Variants in FOXN3 observed in about 807,000 individuals in gnomAD.
FOXN3 encodes the protein forkhead box N3.
Under a neutral mutation model 38.4 loss-of-function variants are expected in FOXN3, and 7 were observed. That is an observed-to-expected ratio of 0.18 (90% confidence interval 0.10 to 0.34). The LOEUF is 0.34. Among genes scored for constraint, FOXN3 ranks in the 10% least tolerant of loss-of-function variants. The pLI is 1.00. For missense variants in FOXN3, 456 were observed against 613.4 expected (o/e 0.74, Z 2.71); for synonymous variants, 230 against 242.2 (o/e 0.95, Z 0.47).
chr14:89,417,717 AC>A (rs368577304), upstream of FOXN3: 83 of 455,982 alleles, frequency 1.8e-4, no homozygotes, highest in East Asian at 4.9e-3. Context: ...AGGAGATTCC[AC>A]GTCTCCCCAG....
chr14:89,531,838 C>T (rs1010062486), intron 1 of FOXN3, among the ~76,000 whole-genome samples: 4 of 152,200 alleles, frequency 2.6e-5, no homozygotes, highest in African/African-American at 9.7e-5. Flanking sequence ...GAGACAGAGT[C>T]TCACCCTGGC....
At chr14:89,254,290 G>A (rs1047750187) in intron 4 of FOXN3, among the ~76,000 whole-genome samples, 1 of 152,202 alleles carries the variant, frequency 6.6e-6, no homozygotes, top group African/African-American at 2.4e-5. Context: ...ATGCTATCCT[G>A]CCTTCTGCAA....
At chr14:89,485,886 T>C (rs1893434254) in intron 1 of FOXN3, among the ~76,000 whole-genome samples, 1 of 152,116 alleles carries the variant, frequency 6.6e-6, no homozygotes, top group African/African-American at 2.4e-5. Flanking sequence ...CGCCTCTTCC[T>C]TCTGCCTGGC....
At chr14:89,509,925 T>C (rs1894021980) in intron 1 of FOXN3, among the ~76,000 whole-genome samples, 1 of 152,258 alleles carries the variant, frequency 6.6e-6, no homozygotes, top group East Asian at 1.9e-4. Flanking sequence ...TATCCTGTCA[T>C]GCAAGTATGG....
chr14:89,249,330 T>A (rs1429692067), intron 4 of FOXN3, among the ~76,000 whole-genome samples: 1 of 152,156 alleles, frequency 6.6e-6, no homozygotes, highest in Non-Finnish European at 1.5e-5. Flanking sequence ...CCCCTGACAG[T>A]CTTCGCTTAC....
intron 5 of FOXN3, among the ~76,000 whole-genome samples, chr14:89,175,972 C>T (rs1355821354): frequency 6.6e-6 from 1 of 152,146 alleles, no homozygotes; most frequent in Admixed American, 6.5e-5. Context: ...GGCTATCCAT[C>T]ATGGGTTCCA....
At chr14:89,415,871 C>CAA (rs1566647876) in intron 1 of FOXN3, among the ~76,000 whole-genome samples, 8 of 151,646 alleles carry the variant, frequency 5.3e-5, no homozygotes, top group African/African-American at 1.9e-4. Context: ...CACACACACA[C>CAA]ACACACACAC....
intron 2 of FOXN3, among the ~76,000 whole-genome samples, chr14:89,383,132 C>T (rs560400378): frequency 6.9e-6 from 1 of 144,726 alleles, no homozygotes; most frequent in East Asian, 2.2e-4. Context: ...AATAAGACCT[C>T]AGGGAGTCTG....
intron 3 of FOXN3, among the ~76,000 whole-genome samples, chr14:89,342,749 T>G (rs1314999513): frequency 6.6e-6 from 1 of 152,200 alleles, no homozygotes; most frequent in East Asian, 1.9e-4. Flanking sequence ...TTCATATTGA[T>G]TTTTTTAAAT....
chr14:89,403,278 C>T (rs1227610857), intron 2 of FOXN3, among the ~76,000 whole-genome samples: 2 of 152,076 alleles, frequency 1.3e-5, no homozygotes, highest in Admixed American at 6.6e-5. Flanking sequence ...CATGGCTCAC[C>T]GTAGCCTCCA....
At chr14:89,269,464 A>G (rs1435584494) in intron 4 of FOXN3, among the ~76,000 whole-genome samples, 2 of 148,626 alleles carry the variant, frequency 1.3e-5, no homozygotes, top group Non-Finnish European at 3.0e-5. Context: ...GCTTTTGGTC[A>G]CTTGCTTTTT....
At chr14:89,258,286 A>G (rs991494371) in intron 4 of FOXN3, among the ~76,000 whole-genome samples, 3 of 152,010 alleles carry the variant, frequency 2.0e-5, no homozygotes, top group Admixed American at 2.0e-4. Context: ...TATTATTTCA[A>G]CCCCCTGGAA....
intron 1 of FOXN3, among the ~76,000 whole-genome samples, chr14:89,601,433 T>C (rs1254087346): frequency 4.6e-5 from 7 of 152,168 alleles, no homozygotes; most frequent in African/African-American, 1.7e-4. Flanking sequence ...AAGGACTCAA[T>C]GAAAGGAAAA....
intron 1 of FOXN3, among the ~76,000 whole-genome samples, chr14:89,555,052 A>G (rs1895088348): frequency 6.6e-6 from 1 of 152,118 alleles, no homozygotes; most frequent in South Asian, 2.1e-4. Flanking sequence ...TGGCCTCCCA[A>G]AGTGCTGGGA....
chr14:89,398,282 G>A (rs1300812888), intron 2 of FOXN3, among the ~76,000 whole-genome samples: 7 of 152,178 alleles, frequency 4.6e-5, no homozygotes, highest in South Asian at 4.1e-4. Flanking sequence ...GCAATGATGC[G>A]GGCTAGTGCA....
intron 1 of FOXN3, among the ~76,000 whole-genome samples, chr14:89,464,314 T>A (rs973805080): frequency 6.6e-6 from 1 of 152,276 alleles, no homozygotes; most frequent in African/African-American, 2.4e-5. Context: ...GCAGCTCAAG[T>A]GCCTACTCTA....
chr14:89,247,352 G>T (rs1034046764), intron 4 of FOXN3, among the ~76,000 whole-genome samples: 1 of 152,098 alleles, frequency 6.6e-6, no homozygotes, highest in Admixed American at 6.6e-5. Flanking sequence ...AGAAAATTTT[G>T]ACCAATAAAA....
At chr14:89,616,467 C>G (rs1896494478) in intron 1 of FOXN3, among the ~76,000 whole-genome samples, 1 of 152,148 alleles carries the variant, frequency 6.6e-6, no homozygotes, top group Admixed American at 6.5e-5. Flanking sequence ...AGAACACCCT[C>G]TCTTATATTT....
intron 4 of FOXN3, among the ~76,000 whole-genome samples, chr14:89,280,407 C>G (rs1886422435): frequency 6.6e-6 from 1 of 152,130 alleles, no homozygotes; most frequent in South Asian, 2.1e-4. Context: ...AGGGTGTCCC[C>G]TGTAGGTGAC....
Sources: gnomAD v4.1 joint callset for allele counts (sites outside exome capture counted in the v4.1 genomes callset) on GRCh38, gnomAD v4.1.1 for gene constraint, MANE v1.5 for transcripts, NCBI Gene and HGNC (gene_info 2026-07-23, HGNC 2026-07-21) for gene names.